The following SERINC3 variants were observed in gnomAD, a reference collection of about 807,000 sequenced individuals.
The protein encoded by SERINC3 is serine incorporator 3.
In SERINC3, 22 loss-of-function variants were observed where a neutral mutation model predicts 52.1. That is an observed-to-expected ratio of 0.42 (90% confidence interval 0.30 to 0.60). The LOEUF is 0.60. SERINC3 is among the 20% of genes least tolerant of loss of function. The pLI is 0.16. For missense variants in SERINC3, 564 were observed against 584.6 expected, an observed-to-expected ratio of 0.96 and a Z score of 0.36; for synonymous variants, 226 against 212.7, an observed-to-expected ratio of 1.06 and a Z score of -0.54.
rs1333846628 is a variant in SERINC3 at position 44,501,304 on chromosome 20, G to T, written c.1056-4C>A. On this transcript the variant is annotated splice_region_variant and splice_polypyrimidine_tract_variant and intron_variant, in intron 8 of 9. Coordinates refer to ENST00000342374, the MANE Select transcript of SERINC3 (RefSeq NM_006811.4). ...GCTATTAGTGGAAGTGCGGATGCTG[G>T]AAAGTGATCCCAAGGAAGACAAATC... 1 of 1,612,812 alleles carries T rather than the reference G, an allele frequency of 6.2e-7. No individual in the cohort carries two copies. Among genetic ancestry groups the T allele is most frequent in the Non-Finnish European group, 8.5e-7 (1 of 1,179,150 alleles).
rs905186045 is a variant in SERINC3, at chr20:44,519,570, C to G, written c.39+2343G>C. On this transcript the variant is annotated intron_variant, in intron 1 of 9. Coordinates refer to ENST00000342374, the MANE Select transcript of SERINC3 (RefSeq NM_006811.4). ...TAGAAAACCACTGCTCTCAAGAAAG[C>G]CCTTAAAAATGGAACACTCTTTTGA... Among the ~76,000 whole-genome samples, 32 of 152,166 alleles carry G rather than the reference C, an allele frequency of 2.1e-4. 1 individual carries two copies. Among genetic ancestry groups the G allele is most frequent in the African/African-American group, 7.5e-4 (31 of 41,438 alleles).
intron 3 of SERINC3, among the ~76,000 whole-genome samples, 197 bp downstream of exon 3, chr20:44,512,604 A>AC (rs2123058962): frequency 6.6e-6 from 1 of 152,038 alleles, no homozygotes; most frequent in Non-Finnish European, 1.5e-5. Flanking sequence ...AAAAGACAAG[A>AC]CCCCCTATCC....
chr20:44,497,080 G>A (rs892560692), downstream of SERINC3, among the ~76,000 whole-genome samples: 2 of 152,164 alleles, frequency 1.3e-5, no homozygotes, highest in Non-Finnish European at 2.9e-5. Flanking sequence ...AGTTCCTAGA[G>A]CATGTCCCTG....
intron 1 of SERINC3, among the ~76,000 whole-genome samples, chr20:44,518,923 C>A (rs1406229990): frequency 1.3e-5 from 2 of 150,608 alleles, no homozygotes; most frequent in Non-Finnish European, 3.0e-5. Flanking sequence ...AAGATCCCAC[C>A]ATTGCACTCC....
rs2064421027 is a variant in SERINC3, at chr20:44,522,011, G to A, written c.-60C>T. On this transcript the variant is annotated 5_prime_UTR_variant, in exon 1 of 10. The change creates a premature stop within an existing upstream ORF in the 5' untranslated region. Coordinates refer to ENST00000342374, the MANE Select transcript of SERINC3 (RefSeq NM_006811.4). Reference sequence around the variant, plus strand: ...GCTGCTTTCTAACACGGTGGTAACTGCCAGCTGAGGTGACTCCCCAGAAAC... The same window carrying A: ...GCTGCTTTCTAACACGGTGGTAACTACCAGCTGAGGTGACTCCCCAGAAAC... The A allele has an allele frequency of 2.0e-6, 3 of 1,515,118 alleles. No homozygotes were observed. The highest frequency in any genetic ancestry group is 1.9e-5 in the Admixed American group (1 of 51,404). 93.9% of individuals were successfully genotyped at this position (1,515,118 alleles called of 1,614,324 possible). A position where few individuals can be genotyped will look rare whatever the true frequency, so the allele number is the denominator to read the frequency against.
At chr20:44,521,482 G>C (rs1391158440) in intron 1 of SERINC3, among the ~76,000 whole-genome samples, 1 of 152,188 alleles carries the variant, frequency 6.6e-6, no homozygotes, top group Non-Finnish European at 1.5e-5. Context: ...CCCCAGCTTT[G>C]CCACACACTC....
intron 6 of SERINC3, among the ~76,000 whole-genome samples, chr20:44,505,348 G>A (rs186286416): frequency 2.2e-4 from 34 of 151,168 alleles, no homozygotes; most frequent in Admixed American, 7.9e-4. Flanking sequence ...TTTCTGAGAC[G>A]GAGTCTCGCT....
intron 1 of SERINC3, among the ~76,000 whole-genome samples, chr20:44,518,485 T>A (rs1421656367): frequency 6.6e-6 from 1 of 151,878 alleles, no homozygotes; most frequent in African/African-American, 2.4e-5. Context: ...GAGGCTGCCA[T>A]AAAGTCCCTC....
chr20:44,509,425 T>C (rs1313650782), intron 5 of SERINC3, among the ~76,000 whole-genome samples: 2 of 152,200 alleles, frequency 1.3e-5, no homozygotes, highest in African/African-American at 4.8e-5. Flanking sequence ...AATACATAAA[T>C]TGGGAAAATC....
intron 8 of SERINC3, 35 bp from the exon 9 acceptor site, chr20:44,501,335 G>T: frequency 6.4e-7 from 1 of 1,572,558 alleles, no homozygotes. Flanking sequence ...AAATCAGAAA[G>T]GGGCCATGAC....
At chr20:44,518,229 G>A (rs968107085) in intron 1 of SERINC3, among the ~76,000 whole-genome samples, 2 of 149,222 alleles carry the variant, frequency 1.3e-5, no homozygotes, top group African/African-American at 5.0e-5. Flanking sequence ...GGGAAGCCAA[G>A]GCAGGCAGAT....
intron 1 of SERINC3, among the ~76,000 whole-genome samples, chr20:44,520,628 G>C (rs1489105669): frequency 6.6e-6 from 1 of 152,118 alleles, no homozygotes; most frequent in African/African-American, 2.4e-5. Flanking sequence ...TGGGGGGATA[G>C]GGGTTGAAAA....
chr20:44,505,488 T>G (rs902647608), intron 6 of SERINC3, among the ~76,000 whole-genome samples: 1 of 151,212 alleles, frequency 6.6e-6, no homozygotes, highest in Non-Finnish European at 1.5e-5. Flanking sequence ...ACCCGGCTAA[T>G]TTTTGTACTT....
intron 1 of SERINC3, among the ~76,000 whole-genome samples, chr20:44,518,957 T>C (rs768352692): frequency 2.1e-4 from 31 of 148,428 alleles, no homozygotes; most frequent in Admixed American, 5.5e-4. Context: ...AGAGTGGAAC[T>C]TGTTTTCTCA....
intron 8 of SERINC3, among the ~76,000 whole-genome samples, chr20:44,502,142 TA>T (rs2064283838): frequency 6.6e-6 from 1 of 152,202 alleles, no homozygotes; most frequent in Non-Finnish European, 1.5e-5. Context: ...ATAGAAGAGA[TA>T]AATGGTATCC....
Position 44,506,874 on chromosome 20 carries a change from T to A in SERINC3, c.736A>T (p.Ile246Phe), listed in dbSNP as rs781109565. 6.3e-7 allele frequency: 1 copy of A among 1,598,598 alleles called. No homozygotes were observed. The highest frequency in any genetic ancestry group is 1.7e-5 in the Admixed American group (1 of 58,142). ...ATAATAGAAGCCACAACGCAAAGGA[T>A]CAGGTTAATACTGATGAAGAACTTG... The part of the protein sequence containing the change: ...ENKFFISINL[I>F]LCVVASIISI... Residue 246 changes from isoleucine (I) to phenylalanine (F), a missense_variant, in exon 6 of 10, where the codon ATC becomes TTC. Ile to Phe is a conservative substitution (Grantham distance 21). Coordinates refer to ENST00000342374, the MANE Select transcript of SERINC3 (RefSeq NM_006811.4).
Position 44,500,106 on chromosome 20 carries a change from TA to T in SERINC3, c.*189del. On this transcript the variant is annotated 3_prime_UTR_variant, in exon 10 of 10. Coordinates refer to ENST00000342374, the MANE Select transcript of SERINC3 (RefSeq NM_006811.4). ...TATATCCTTAGAAGTAAACATAATATACAGATAAATGAGAAGTTTCGATTCT... is the reference window on the plus strand; with the variant it reads ...TATATCCTTAGAAGTAAACATAATATCAGATAAATGAGAAGTTTCGATTCT... The T allele has an allele frequency of 3.3e-6, 2 of 612,386 alleles. No homozygotes were observed. Among genetic ancestry groups the T allele is most frequent in the South Asian group, 4.7e-5 (2 of 42,238 alleles). 37.9% of individuals were successfully genotyped at this position (612,386 alleles called of 1,614,324 possible). A position where few individuals can be genotyped will look rare whatever the true frequency, so the allele number is the denominator to read the frequency against.
chr20:44,502,440 G>A (rs1401947891), intron 8 of SERINC3, among the ~76,000 whole-genome samples: 2 of 151,992 alleles, frequency 1.3e-5, no homozygotes, highest in African/African-American at 4.8e-5. Flanking sequence ...AAAATTAGCT[G>A]GGCATGATGG....
chr20:44,506,243 C>T (rs1432500949), intron 6 of SERINC3, among the ~76,000 whole-genome samples: 5 of 146,114 alleles, frequency 3.4e-5, no homozygotes, highest in East Asian at 2.1e-4. Context: ...ATTGCACCAT[C>T]GCACTCCAGC....
Sources: gnomAD v4.1 joint callset for allele counts (sites outside exome capture counted in the v4.1 genomes callset) on GRCh38, gnomAD v4.1.1 for gene constraint, MANE v1.5 for transcripts, NCBI Gene and HGNC (gene_info 2026-07-23, HGNC 2026-07-21) for gene names.